TMEM222: variants seen among roughly 807,000 people sequenced by gnomAD.
TMEM222 encodes the protein chromosome 1 open reading frame 160.
Under a neutral mutation model 25.1 loss-of-function variants are expected in TMEM222, and 18 were observed. The ratio of observed to expected loss-of-function variants is 0.72; its 90% confidence interval spans 0.50 to 1.06. The LOEUF (loss-of-function observed/expected upper bound fraction) is 1.06. TMEM222 is among the 50% of genes least tolerant of loss of function. TMEM222 has a pLI of 0.00. For missense variants in TMEM222, 296 were observed against 293.7 expected (o/e 1.01, Z -0.06); for synonymous variants, 131 against 117.9 (o/e 1.11, Z -0.72).
At chr1:27,325,036 G>A (rs1171312436) in intron 1 of TMEM222, among the ~76,000 whole-genome samples, 2 of 152,170 alleles carry the variant, frequency 1.3e-5, no homozygotes, top group Non-Finnish European at 2.9e-5. Flanking sequence ...TCCAGCAGGA[G>A]GGAGAGAAAG....
intron 2 of TMEM222, chr1:27,331,015 G>A: frequency 4.8e-6 from 7 of 1,458,284 alleles, no homozygotes; most frequent in Non-Finnish European, 6.3e-6. Context: ...TGGCCAGAAG[G>A]ATTCTTAAGT....
intron 1 of TMEM222, among the ~76,000 whole-genome samples, chr1:27,323,572 G>T (rs991235237): frequency 6.6e-5 from 10 of 152,082 alleles, no homozygotes; most frequent in Admixed American, 5.2e-4. Context: ...TAGGTAGTTC[G>T]AGACCAACCT....
intron 1 of TMEM222, among the ~76,000 whole-genome samples, chr1:27,327,420 G>C (rs895799484): frequency 6.6e-6 from 1 of 152,104 alleles, no homozygotes; most frequent in African/African-American, 2.4e-5. Flanking sequence ...ACAGAGTCTT[G>C]CTCTGTCACC....
At chr1:27,327,902 CA>C in intron 1 of TMEM222, among the ~76,000 whole-genome samples, 1 of 152,384 alleles carries the variant, frequency 6.6e-6, no homozygotes, top group Non-Finnish European at 1.5e-5. Context: ...CCACAGCACC[CA>C]GCCCCAGACT....
Position 27,334,162 on chromosome 1 carries a change from C to T in TMEM222, c.420C>T (p.Cys140=). The stretch of plus-strand genomic sequence containing the variant: ...TCTGGTGCCTCCAGCACAATCTCTG[C>T]TGTGACAACTGCCACTCGCACGTGG... ...EEYKHRMHNL[C]CDNCHSHVAL... The change falls in exon 5 of 6, where the codon TGC becomes TGT. Residue 140 remains cysteine (C), a synonymous_variant. Coordinates refer to ENST00000374076, the MANE Select transcript of TMEM222 (RefSeq NM_032125.3). 1 of 1,614,184 alleles carries T rather than the reference C, an allele frequency of 6.2e-7. No homozygotes were observed.
intron 3 of TMEM222, 83 bp downstream of exon 3, chr1:27,332,184 GGGCCAGCAC>G: frequency 6.6e-7 from 1 of 1,519,248 alleles, no homozygotes; most frequent in Non-Finnish European, 9.1e-7. Flanking sequence ...GGCACAGGAG[GGGCCAGCAC>G]CCTGAGAATA....
intron 1 of TMEM222, 51 bp downstream of exon 1, chr1:27,322,442 C>T (rs1199744633): frequency 7.6e-7 from 1 of 1,316,418 alleles, no homozygotes; most frequent in Admixed American, 3.8e-5. Flanking sequence ...CAGGGAGAGC[C>T]GGAGTCGGGC....
intron 1 of TMEM222, among the ~76,000 whole-genome samples, chr1:27,323,474 C>A (rs753732495): frequency 3.3e-5 from 5 of 152,202 alleles, no homozygotes; most frequent in Admixed American, 1.3e-4. Context: ...GCATCCAAAT[C>A]TGTTCTTTAA....
intron 2 of TMEM222, among the ~76,000 whole-genome samples, chr1:27,331,393 G>A (rs544792013): frequency 3.8e-4 from 58 of 152,276 alleles, no homozygotes; most frequent in Non-Finnish European, 5.6e-4. Context: ...ATCTTAACAC[G>A]ACAAAGGTCT....
At chr1:27,335,260 T>A in intron 5 of TMEM222, 119 bp from the exon 6 acceptor site, 1 of 929,328 alleles carries the variant, frequency 1.1e-6, no homozygotes, top group Non-Finnish European at 1.7e-6. Flanking sequence ...GGTGAGGGGG[T>A]GGTTGGGTTT....
At chr1:27,331,339 G>T (rs941993249) in intron 2 of TMEM222, among the ~76,000 whole-genome samples, 1 of 152,084 alleles carries the variant, frequency 6.6e-6, no homozygotes, top group Non-Finnish European at 1.5e-5. Context: ...GGACTGAAGG[G>T]GTGTGGTGGC....
chr1:27,325,935 G>A (rs1303081192), intron 1 of TMEM222: 3 of 658,764 alleles, frequency 4.6e-6, no homozygotes, highest in African/African-American at 3.6e-5. Context: ...GTTGAAGCTT[G>A]TATCTAATAT....
At chr1:27,334,648 CATA>C (rs1422158996) in intron 5 of TMEM222, 8 of 1,434,984 alleles carry the variant, frequency 5.6e-6, no homozygotes, top group Non-Finnish European at 7.4e-6. Flanking sequence ...TAGATCCTCT[CATA>C]ATGACTGCCC....
At chr1:27,328,669 C>G (rs1196151825) in intron 1 of TMEM222, among the ~76,000 whole-genome samples, 1 of 152,234 alleles carries the variant, frequency 6.6e-6, no homozygotes, top group South Asian at 2.1e-4. Flanking sequence ...GGCCTCTCCC[C>G]CTTTCGTTCT....
chr1:27,325,098 A>G, intron 1 of TMEM222: 1 of 326,232 alleles, frequency 3.1e-6, no homozygotes, highest in Non-Finnish European at 6.0e-6. Flanking sequence ...AGAGCTAGGC[A>G]TAGATGTGGC....
chr1:27,333,197 C>T (rs187913214), intron 3 of TMEM222: 44 of 388,166 alleles, frequency 1.1e-4, no homozygotes, highest in Admixed American at 1.1e-3. Flanking sequence ...ATTCCATCAC[C>T]GTGTTTCTCT....
Position 27,334,616 on chromosome 1 carries a change from GTGC to G in TMEM222, c.539+337_539+339del, listed in dbSNP as rs1266860910. ...CTCAGGGAGGCTTCTACGGATCCCT[GTGC>G]TCCGGTAAAGTGAGCAGATAGATCC... On this transcript the variant is annotated intron_variant, in intron 5 of 5. Coordinates refer to ENST00000374076, the MANE Select transcript of TMEM222 (RefSeq NM_032125.3). 6 of 1,441,370 alleles carry G rather than the reference GTGC, an allele frequency of 4.2e-6. No individual in the cohort carries two copies. The African/African-American group carries it at 7.2e-5, about 17-fold the overall frequency. 89.3% of individuals were successfully genotyped at this position (1,441,370 alleles called of 1,614,324 possible).
At chr1:27,330,932 G>A in intron 2 of TMEM222, 128 bp downstream of exon 2, 1 of 1,559,438 alleles carries the variant, frequency 6.4e-7, no homozygotes, top group Non-Finnish European at 8.7e-7. Flanking sequence ...CCTGGCCCTG[G>A]CCCTCTGCCC....
chr1:27,333,393 T>A (rs1490450987), intron 3 of TMEM222: 2 of 471,122 alleles, frequency 4.2e-6, no homozygotes, highest in Admixed American at 4.7e-5. Flanking sequence ...TCACACCCCA[T>A]CTTAGTCCGT....
Sources: gnomAD v4.1 joint callset for allele counts (sites outside exome capture counted in the v4.1 genomes callset) on GRCh38, gnomAD v4.1.1 for gene constraint, MANE v1.5 for transcripts, NCBI Gene and HGNC (gene_info 2026-07-23, HGNC 2026-07-21) for gene names.